Variants in PLA2G4D observed in about 807,000 individuals in gnomAD.
PLA2G4D encodes cytosolic phospholipase A2 delta.
In PLA2G4D, 80 loss-of-function variants were observed where a neutral mutation model predicts 94.4. The observed-to-expected ratio is 0.85, with a 90% CI of 0.71 to 1.02. The LOEUF (loss-of-function observed/expected upper bound fraction) is 1.02, where lower values mean the gene tolerates loss of function less well. Among genes scored for constraint, PLA2G4D ranks in the 50% least tolerant of loss-of-function variants. The probability of loss-of-function intolerance (pLI) is 0.00; values close to 1 mark genes in which losing one functional copy is unlikely to be tolerated. For synonymous variants in PLA2G4D, 438 were observed against 440.9 expected (o/e 0.99, Z 0.08); for missense variants, 1,050 against 1,034.7 (o/e 1.01, Z -0.20).
At position 42,070,793 on chromosome 15, in the gene PLA2G4D, G is replaced by C; in HGVS notation, c.1967C>G (p.Ser656Cys). ...VDAAYFINTSSPSMFRPGRRL... is the reference protein window; with the variant it reads ...VDAAYFINTSCPSMFRPGRRL... Reference sequence around the variant, plus strand: ...GCGGCCTGGCCGGAACATGGAGGGAGAGCTGGTGTTGATGAAGTAGGCGGC... The same window carrying C: ...GCGGCCTGGCCGGAACATGGAGGGACAGCTGGTGTTGATGAAGTAGGCGGC... Residue 656 changes from serine (S) to cysteine (C), a missense_variant, in exon 18 of 20, where the codon TCT (serine) becomes TGT (cysteine). Transcript: ENST00000290472. The C allele has an allele frequency of 6.2e-7, 1 of 1,605,546 alleles. No individual in the cohort carries two copies. The highest frequency in any genetic ancestry group is 8.5e-7 in the Non-Finnish European group (1 of 1,175,926).
At position 42,067,774 on chromosome 15, in the gene PLA2G4D, A is replaced by C. The variant is rs567945548; in HGVS notation, c.*941T>G. On this transcript the variant is annotated 3_prime_UTR_variant, in exon 20 of 20. Coordinates refer to ENST00000290472, the MANE Select transcript of PLA2G4D (RefSeq NM_178034.4). Reference sequence around the variant, plus strand: ...AAACCTAACACCGTTTCATCATAAAACACTCAATAAACTAGAAATAAAAGA... The same window carrying C: ...AAACCTAACACCGTTTCATCATAAACCACTCAATAAACTAGAAATAAAAGA... The C allele has an allele frequency of 6.6e-6, 1 of 152,338 alleles. No homozygotes were observed. The highest frequency in any genetic ancestry group is 1.9e-4 in the East Asian group (1 of 5,188). 9.4% of individuals were successfully genotyped at this position (152,338 alleles called of 1,614,324 possible). A position where few individuals can be genotyped will look rare whatever the true frequency, so the allele number is the denominator to read the frequency against.
chr15:42,083,660 T>A, intron 7 of PLA2G4D, 56 bp downstream of exon 7: 1 of 1,599,784 alleles, frequency 6.3e-7, no homozygotes, highest in Non-Finnish European at 8.6e-7. Context: ...TTCCCAGCAA[T>A]CCTCCTCACC....
At chr15:42,082,979 C>T (rs1172471046) in intron 8 of PLA2G4D, among the ~76,000 whole-genome samples, 3 of 152,196 alleles carry the variant, frequency 2.0e-5, no homozygotes, top group Non-Finnish European at 2.9e-5. Context: ...CTGGAGGGGC[C>T]GCTGGAGGAT....
chr15:42,069,862 C>T, intron 19 of PLA2G4D, 47 bp downstream of exon 19: 1 of 1,351,440 alleles, frequency 7.4e-7, no homozygotes, highest in Non-Finnish European at 9.6e-7. Context: ...CCAGGGCAGG[C>T]CTCTGAGGGG....
chr15:42,083,482 C>A (rs954545281), intron 7 of PLA2G4D, 148 bp from the exon 8 acceptor site: 2 of 1,284,950 alleles, frequency 1.6e-6, no homozygotes, highest in African/African-American at 1.5e-5. Flanking sequence ...CCTTCCCAGC[C>A]CAAGGGGCCC....
rs750603091 is a variant in PLA2G4D at position 42,084,665 on chromosome 15, G to C, written c.471+431C>G. ...GGAGGAGCTAGCTGCCTGAGCCTCT[G>C]ATCCTCCTAGGTTGGCAGTACACCG... On this transcript the variant is annotated intron_variant, in intron 6 of 19. Coordinates refer to ENST00000290472, the MANE Select transcript of PLA2G4D (RefSeq NM_178034.4). The surrounding 1 kb of genome is among the most constrained non-coding windows in gnomAD (Gnocchi z 4.8). Among the ~76,000 whole-genome samples the C allele has an allele frequency of 6.6e-6, 1 of 152,124 alleles. No individual in the cohort carries two copies. The highest frequency in any genetic ancestry group is 2.4e-5 in the African/African-American group (1 of 41,408).
Sources: allele counts gnomAD v4.1 joint callset (sites outside exome capture counted in the v4.1 genomes callset), GRCh38; gene constraint gnomAD v4.1.1; non-coding constraint Gnocchi (gnomAD v3.1); transcripts MANE v1.5; gene names NCBI Gene and HGNC (gene_info 2026-07-23, HGNC 2026-07-21).